PACSIN1: variants seen among roughly 807,000 people sequenced by gnomAD.
PACSIN1 encodes protein kinase C and casein kinase substrate in neurons 1.
A neutral mutation model predicts 59.5 loss-of-function variants in PACSIN1; 15 were observed. The observed-to-expected ratio is 0.25, with a 90% confidence interval of 0.17 to 0.39. PACSIN1 has a LOEUF of 0.39. Ranked by LOEUF, PACSIN1 falls within the 10% of genes least tolerant of loss-of-function variation. PACSIN1 has a pLI of 1.00. For missense variants in PACSIN1, 420 were observed against 580.2 expected, an observed-to-expected ratio of 0.72 and a Z score of 2.84; for synonymous variants, 210 against 220.6, an observed-to-expected ratio of 0.95 and a Z score of 0.42.
intron 1 of PACSIN1, among the ~76,000 whole-genome samples, chr6:34,477,984 C>G (rs1286483651): frequency 6.7e-6 from 1 of 149,728 alleles, no homozygotes; most frequent in African/African-American, 2.5e-5. Flanking sequence ...AACTCCTGGG[C>G]TCAAGCAATC....
rs1226386092 is a variant in PACSIN1 at position 34,515,309 on chromosome 6, T to A, written c.-63-10934T>A. On this transcript the variant is annotated intron_variant, in intron 1 of 9. Coordinates refer to ENST00000244458, the MANE Select transcript of PACSIN1 (RefSeq NM_020804.5). This position sits in a 1 kb window ranked among gnomAD's most constrained non-coding sequence, Gnocchi z 4.4. ...CCTGTTGCCTTTCCTCCTCTGTACCTCTTGTCTCCACCACTGCCACAGGTC... is the reference window on the plus strand; with the variant it reads ...CCTGTTGCCTTTCCTCCTCTGTACCACTTGTCTCCACCACTGCCACAGGTC... Among the ~76,000 whole-genome samples the A allele has an allele frequency of 6.6e-6, 1 of 152,062 alleles. No homozygotes were observed. The highest frequency in any genetic ancestry group is 1.9e-4 in the East Asian group (1 of 5,160).
chr6:34,497,816 A>T (rs1581968503), intron 1 of PACSIN1, among the ~76,000 whole-genome samples: 1 of 152,184 alleles, frequency 6.6e-6, no homozygotes, highest in African/African-American at 2.4e-5. Context: ...AGAATCTCCC[A>T]AAGTCCCCAC....
At chr6:34,504,783 C>G (rs1188902224) in intron 1 of PACSIN1, among the ~76,000 whole-genome samples, 4 of 152,058 alleles carry the variant, frequency 2.6e-5, no homozygotes, top group African/African-American at 4.8e-5. Context: ...TAGGGTAGGT[C>G]TGCTAATAAA....
chr6:34,469,916 G>A (rs1414182320), intron 1 of PACSIN1, among the ~76,000 whole-genome samples: 2 of 152,198 alleles, frequency 1.3e-5, no homozygotes, highest in African/African-American at 2.4e-5. Flanking sequence ...GAAAAGGAGC[G>A]TGTCTGTGGG....
chr6:34,490,848 T>C (rs1249986493), intron 1 of PACSIN1, among the ~76,000 whole-genome samples: 1 of 152,172 alleles, frequency 6.6e-6, no homozygotes, highest in Non-Finnish European at 1.5e-5. Context: ...CTGCTTCTAC[T>C]GTGGGCTTTC....
intron 1 of PACSIN1, among the ~76,000 whole-genome samples, chr6:34,475,733 G>C (rs563437105): frequency 3.9e-5 from 6 of 152,218 alleles, no homozygotes; most frequent in Admixed American, 3.9e-4. Flanking sequence ...TACCCCACCT[G>C]ATAGAAGGAC....
intron 1 of PACSIN1, among the ~76,000 whole-genome samples, chr6:34,509,040 TG>T (rs1160709862): frequency 6.6e-6 from 1 of 152,224 alleles, no homozygotes; most frequent in Non-Finnish European, 1.5e-5. Context: ...TGTCTATTTT[TG>T]TTTTTGTTGC....
chr6:34,508,989 T>TA (rs1767158744), intron 1 of PACSIN1, among the ~76,000 whole-genome samples: 2 of 152,348 alleles, frequency 1.3e-5, no homozygotes, highest in South Asian at 4.1e-4. Flanking sequence ...GCTGTTTCCT[T>TA]TGCAGTGCTT....
rs1235150540 is a variant in PACSIN1 at position 34,478,070 on chromosome 6, T to C, written c.-64+11800T>C. 2.7e-5 allele frequency among the ~76,000 whole-genome samples: 4 copies of C among 149,328 alleles called. No individual in the cohort carries two copies. In the East Asian group the frequency reaches 7.8e-4, roughly 29 times the overall value. ...GCCCAGCCCCTTTATCCTTTTTTTT[T>C]TTTTTTTGAGACAAAGTCTCGCTCT... On this transcript the variant is annotated intron_variant, in intron 1 of 9. Transcript: ENST00000244458.
chr6:34,484,349 A>T (rs1181200684), intron 1 of PACSIN1, among the ~76,000 whole-genome samples: 1 of 152,232 alleles, frequency 6.6e-6, no homozygotes, highest in Non-Finnish European at 1.5e-5. Context: ...AGCCAATATG[A>T]AAAGGCCTCA....
chr6:34,517,863 G>A (rs1767319843), intron 1 of PACSIN1, among the ~76,000 whole-genome samples: 1 of 152,190 alleles, frequency 6.6e-6, no homozygotes, highest in Admixed American at 6.5e-5. Flanking sequence ...CCCCACAAGG[G>A]AGGGGGTTTT....
chr6:34,530,289 G>A lies in PACSIN1; in HGVS notation c.835G>A (p.Asp279Asn). 1 of 1,614,110 alleles carries A rather than the reference G, an allele frequency of 6.2e-7. No homozygotes were observed. Among genetic ancestry groups the A allele is most frequent in the East Asian group, 2.2e-5 (1 of 44,884 alleles). Reference sequence around the variant, plus strand: ...GCTGGAGCAGGCCATCCGGGGGGCTGATGCCCAGGAAGACCTCAGATGGTT... The same window carrying A: ...GCTGGAGCAGGCCATCCGGGGGGCTAATGCCCAGGAAGACCTCAGATGGTT... ...RELEQAIRGA[D>N]AQEDLRWFRS... The change falls in exon 7 of 10, where the codon GAT becomes AAT. Residue 279 changes from aspartate to asparagine, a missense_variant. Physicochemically the swap from Asp to Asn is conservative, Grantham distance 23. Transcript: ENST00000244458. This position sits in a 1 kb window ranked among gnomAD's most constrained non-coding sequence, Gnocchi z 4.4.
Position 34,532,494 on chromosome 6 carries a change from G to A in PACSIN1, c.1299G>A (p.Leu433=). 1 of 1,565,100 alleles carries A rather than the reference G, an allele frequency of 6.4e-7. No homozygotes were observed. Among genetic ancestry groups the A allele is most frequent in the Non-Finnish European group, 8.7e-7 (1 of 1,154,384 alleles). The part of the protein sequence containing the change: ...WCRGRLDSGQ[L]GLYPANYVEA... The stretch of plus-strand genomic sequence containing the variant: ...GTGGGCGGCTGGACAGCGGGCAGCT[G>A]GGCCTCTACCCTGCCAACTACGTGG... The change falls in exon 10 of 10, where the codon CTG becomes CTA. Residue 433 remains leucine (L), a synonymous_variant. Transcript: ENST00000244458. This position sits in a 1 kb window ranked among gnomAD's most constrained non-coding sequence, Gnocchi z 5.2.
chr6:34,514,573 G>T lies in PACSIN1; in HGVS notation c.-63-11670G>T, dbSNP rs1473279884. Among the ~76,000 whole-genome samples the T allele has an allele frequency of 6.6e-6, 1 of 152,144 alleles. No homozygotes were observed. The highest frequency in any genetic ancestry group is 6.5e-5 in the Admixed American group (1 of 15,280). On this transcript the variant is annotated intron_variant, in intron 1 of 9. Coordinates refer to ENST00000244458, the MANE Select transcript of PACSIN1 (RefSeq NM_020804.5). The surrounding 1 kb of genome is among the most constrained non-coding windows in gnomAD (Gnocchi z 4.4). Reference sequence around the variant, plus strand: ...GTCTGGAAGGACGATTGGGAGGTGGGATCTTGGGGAGAAAGGGAAGAAAGG... The same window carrying T: ...GTCTGGAAGGACGATTGGGAGGTGGTATCTTGGGGAGAAAGGGAAGAAAGG...
chr6:34,498,514 CCGGCTGGGCACAG>C (rs957445568), intron 1 of PACSIN1, among the ~76,000 whole-genome samples: 24 of 151,830 alleles, frequency 1.6e-4, no homozygotes, highest in African/African-American at 5.6e-4. Context: ...TAAAAGTGTC[CCGGCTGGGCACAG>C]TGGCTCACAC....
intron 1 of PACSIN1, among the ~76,000 whole-genome samples, chr6:34,489,904 CAT>C (rs921995365): frequency 1.3e-5 from 2 of 152,238 alleles, no homozygotes; most frequent in Non-Finnish European, 2.9e-5. Context: ...ATCATCATCA[CAT>C]GTGCTGATTC....
chr6:34,469,104 G>A (rs1451381821), intron 1 of PACSIN1, among the ~76,000 whole-genome samples: 1 of 151,640 alleles, frequency 6.6e-6, no homozygotes, highest in African/African-American at 2.4e-5. Context: ...GAGAGGACAT[G>A]AGGGGTGGGG....
rs566142699 is a variant in PACSIN1 at position 34,468,728 on chromosome 6, A to G, written c.-64+2458A>G. On this transcript the variant is annotated intron_variant, in intron 1 of 9. Coordinates refer to ENST00000244458, the MANE Select transcript of PACSIN1 (RefSeq NM_020804.5). The stretch of plus-strand genomic sequence containing the variant: ...GAAGCTTCCCCAGCTTGGGCTGGGA[A>G]CCCCACCCATGATCCCCTCCCCACA... Among the ~76,000 whole-genome samples the G allele has an allele frequency of 2.8e-3, 428 of 151,720 alleles. 4 individuals carry two copies. Among genetic ancestry groups the G allele is most frequent in the African/African-American group, 9.8e-3 (405 of 41,330 alleles).
chr6:34,523,837 G>A (rs1367054592), intron 1 of PACSIN1, among the ~76,000 whole-genome samples: 2 of 152,204 alleles, frequency 1.3e-5, no homozygotes, highest in Non-Finnish European at 2.9e-5. Flanking sequence ...TGATACGGGG[G>A]TCCACATGCT....
Sources: allele counts gnomAD v4.1 joint callset (sites outside exome capture counted in the v4.1 genomes callset), GRCh38; gene constraint gnomAD v4.1.1; non-coding constraint Gnocchi (gnomAD v3.1); transcripts MANE v1.5; gene names NCBI Gene and HGNC (gene_info 2026-07-23, HGNC 2026-07-21).